Variants in C1orf174 observed in about 807,000 individuals in gnomAD.
C1orf174 encodes chromosome 1 open reading frame 174.
C1orf174 carries 13 observed loss-of-function variants against 18.4 expected under a neutral mutation model. The ratio of observed to expected loss-of-function variants is 0.71; its 90% confidence interval spans 0.46 to 1.12. The LOEUF (loss-of-function observed/expected upper bound fraction) is 1.12, where lower values mean the gene tolerates loss of function less well. C1orf174 is among the 50% of genes most tolerant of loss of function. C1orf174 has a pLI of 0.00. For missense variants in C1orf174, 309 were observed against 308.0 expected (o/e 1.00, Z -0.02); for synonymous variants, 100 against 118.3 (o/e 0.85, Z 1.01).
Position 3,891,297 on chromosome 1 carries a change from A to G in C1orf174, c.130-240T>C, listed in dbSNP as rs1570963967. On this transcript the variant is annotated intron_variant, in intron 2 of 3. Coordinates refer to ENST00000361605, the MANE Select transcript of C1orf174 (RefSeq NM_207356.3). The stretch of plus-strand genomic sequence containing the variant: ...TTCCCTAGTGGCGTTACAGCTCCAC[A>G]CCACTCCTACACTTTCAGTTTCCCC... 5 of 509,128 alleles carry G rather than the reference A, an allele frequency of 9.8e-6. 1 individual carries two copies. The East Asian group carries it at 1.9e-4, about 19-fold the overall frequency. 31.5% of individuals were successfully genotyped at this position (509,128 alleles called of 1,614,324 possible).
chr1:3,889,857 A>T lies in C1orf174; in HGVS notation c.*103T>A. On this transcript the variant is annotated 3_prime_UTR_variant, in exon 4 of 4. Coordinates refer to ENST00000361605, the MANE Select transcript of C1orf174 (RefSeq NM_207356.3). ...GATGGGTCAGTTCTGAAGTTTGATT[A>T]AGACATTCTCTTGGAGATACATTTT... 9.2e-7 allele frequency: 1 copy of T among 1,082,510 alleles called. No homozygotes were observed. Among genetic ancestry groups the T allele is most frequent in the Non-Finnish European group, 1.4e-6 (1 of 705,290 alleles). 67.1% of individuals were successfully genotyped at this position (1,082,510 alleles called of 1,614,324 possible).
chr1:3,898,346 G>A (rs1027893311), intron 1 of C1orf174, among the ~76,000 whole-genome samples: 4 of 152,062 alleles, frequency 2.6e-5, no homozygotes, highest in African/African-American at 7.2e-5. Context: ...CCTGTCTCCA[G>A]TAAAAACACA....
At chr1:3,896,577 G>T (rs549827425) in intron 1 of C1orf174, among the ~76,000 whole-genome samples, 3 of 152,238 alleles carry the variant, frequency 2.0e-5, no homozygotes, top group Admixed American at 2.0e-4. Context: ...GAGAAGTTCC[G>T]GCCTAAGGGA....
chr1:3,891,638 G>C (rs2124783690), intron 2 of C1orf174: 1 of 986,134 alleles, frequency 1.0e-6, no homozygotes, highest in African/African-American at 1.7e-5. Flanking sequence ...GTAAGTTCAG[G>C]AACTCGCTCC....
chr1:3,890,070 G>C lies in C1orf174; in HGVS notation c.622C>G (p.Leu208Val). Residue 208 changes from leucine (L) to valine (V), a missense_variant, in exon 4 of 4, where the codon CTC becomes GTC. Coordinates refer to ENST00000361605, the MANE Select transcript of C1orf174 (RefSeq NM_207356.3). Reference protein sequence around the residue: ...FFGNVELMQDLPPASSSCPSM... With the variant: ...FFGNVELMQDVPPASSSCPSM... ...GGACAAGATGAAGACGCAGGTGGGA[G>C]GTCCTTAGTGGAGAAGAAAACATGA... 1 of 1,613,118 alleles carries C rather than the reference G, an allele frequency of 6.2e-7. No homozygotes were observed. The highest frequency in any genetic ancestry group is 1.3e-5 in the African/African-American group (1 of 75,020).
At chr1:3,897,283 G>A (rs973943619) in intron 1 of C1orf174, among the ~76,000 whole-genome samples, 3 of 152,158 alleles carry the variant, frequency 2.0e-5, no homozygotes, top group African/African-American at 7.2e-5. Context: ...CATGAATAAA[G>A]AAGAAACATA....
intron 2 of C1orf174, chr1:3,891,831 C>T (rs1289860308): frequency 5.1e-6 from 5 of 985,476 alleles, no homozygotes; most frequent in Non-Finnish European, 6.0e-6. Context: ...TTTAGACACA[C>T]ACACGGGTGG....
At chr1:3,892,656 A>T (rs1444993447) in intron 2 of C1orf174, 26 of 1,360,440 alleles carry the variant, frequency 1.9e-5, no homozygotes, top group Non-Finnish European at 2.5e-5. Context: ...GGGTCTAGAC[A>T]CACACACGGG....
In C1orf174 at chr1:3,890,031, G is replaced by A. The variant is rs200426400; in HGVS notation, c.661C>T (p.Arg221Ter). ...ASSSCPSMSR[R>*]EFRKMHFRAK... ...CTGAAATGCATTTTTCTGAACTCTCGTCTGCTCATTGAAGGACAAGATGAA... is the reference window on the plus strand; with the variant it reads ...CTGAAATGCATTTTTCTGAACTCTCATCTGCTCATTGAAGGACAAGATGAA... The change falls in exon 4 of 4, where the codon CGA (arginine) becomes TGA (stop). Residue 221 changes from arginine to a stop codon, truncating the protein, a stop_gained. Coordinates refer to ENST00000361605, the MANE Select transcript of C1orf174 (RefSeq NM_207356.3). LOFTEE classifies it high-confidence loss of function. 73 of 1,613,990 alleles carry A rather than the reference G, an allele frequency of 4.5e-5. No homozygotes were observed. The highest frequency in any genetic ancestry group is 5.5e-5 in the Non-Finnish European group (65 of 1,180,028).
intron 1 of C1orf174, among the ~76,000 whole-genome samples, chr1:3,894,364 T>A (rs189923432): frequency 1.6e-3 from 245 of 151,964 alleles, no homozygotes; most frequent in African/African-American, 5.6e-3. Flanking sequence ...TCCCAGCACT[T>A]TGGGAGGCTG....
intron 1 of C1orf174, chr1:3,896,284 C>G (rs10797353): frequency 0.71 from 108,098 of 152,672 alleles, 38,557 homozygotes; most frequent in African/African-American, 0.76. Flanking sequence ...TCCATTCTAC[C>G]AGTACGGTTT....
At chr1:3,891,595 C>G (rs188112191) in intron 2 of C1orf174, 19 of 986,718 alleles carry the variant, frequency 1.9e-5, no homozygotes, top group Middle Eastern at 1.0e-3. Flanking sequence ...AACCCCTCAA[C>G]TGTAGGCTCC....
chr1:3,893,720 G>A (rs1638553832), intron 1 of C1orf174, among the ~76,000 whole-genome samples: 1 of 152,050 alleles, frequency 6.6e-6, no homozygotes, highest in African/African-American at 2.4e-5. Context: ...TACAGCGAAA[G>A]CCCATCTTTA....
At chr1:3,892,639 A>C in intron 2 of C1orf174, 3 of 1,237,796 alleles carry the variant, frequency 2.4e-6, no homozygotes, top group East Asian at 7.1e-5. Context: ...TGCTAGGATC[A>C]GAGCCCGGGT....
At position 3,892,981 on chromosome 1, in the gene C1orf174, G is replaced by A. The variant is rs1258984581; in HGVS notation, c.31C>T (p.Arg11Trp). 9 of 1,613,838 alleles carry A rather than the reference G, an allele frequency of 5.6e-6. No homozygotes were observed. Among genetic ancestry groups the A allele is most frequent in the East Asian group, 4.5e-5 (2 of 44,874 alleles). MRSRKLTGAV[R>W]SSARLKARSC... ...CGTGCTTTCAAGCGCGCTGAAGACC[G>A]CACTGCACCTGTGAGCTAGAGAGAT... The change falls in exon 2 of 4, where the codon CGG becomes TGG. Residue 11 changes from arginine (R) to tryptophan (W), a missense_variant. Arg to Trp is a moderately radical substitution (Grantham distance 101, BLOSUM62 -3). Coordinates refer to ENST00000361605, the MANE Select transcript of C1orf174 (RefSeq NM_207356.3).
At chr1:3,898,118 C>T (rs558166632) in intron 1 of C1orf174, among the ~76,000 whole-genome samples, 9 of 152,320 alleles carry the variant, frequency 5.9e-5, no homozygotes, top group Non-Finnish European at 1.0e-4. Flanking sequence ...AGAAGGGAAC[C>T]TCAATAAATG....
At position 3,900,252 on chromosome 1, in the gene C1orf174, G is replaced by A. The variant is rs900819541; in HGVS notation, c.-66C>T. 4.7e-6 allele frequency: 7 copies of A among 1,491,182 alleles called. No homozygotes were observed. Among genetic ancestry groups the A allele is most frequent in the Middle Eastern group, 3.8e-4 (2 of 5,322 alleles). 92.4% of individuals were successfully genotyped at this position (1,491,182 alleles called of 1,614,324 possible). A position where few individuals can be genotyped will look rare whatever the true frequency, so the allele number is the denominator to read the frequency against. On this transcript the variant is annotated 5_prime_UTR_variant, in exon 1 of 4. Coordinates refer to ENST00000361605, the MANE Select transcript of C1orf174 (RefSeq NM_207356.3). Reference sequence around the variant, plus strand: ...ACGCGTCCCGGCGGAGCGGCGACCCGGAGTCTGCAGAGCGCGCCGCGGCGG... The same window carrying A: ...ACGCGTCCCGGCGGAGCGGCGACCCAGAGTCTGCAGAGCGCGCCGCGGCGG...
intron 1 of C1orf174, among the ~76,000 whole-genome samples, chr1:3,898,330 T>G (rs1262032450): frequency 6.6e-6 from 1 of 152,054 alleles, no homozygotes; most frequent in Admixed American, 6.5e-5. Context: ...GCCAACATGG[T>G]GAAAACCTGT....
intron 2 of C1orf174, 101 bp downstream of exon 2, chr1:3,892,782 G>A: frequency 6.6e-7 from 1 of 1,509,524 alleles, no homozygotes; most frequent in Non-Finnish European, 8.9e-7. Context: ...ATAAGTAACA[G>A]TCGATATTTT....
Sources: allele counts gnomAD v4.1 joint callset (sites outside exome capture counted in the v4.1 genomes callset), GRCh38; gene constraint gnomAD v4.1.1; transcripts MANE v1.5; gene names NCBI Gene and HGNC (gene_info 2026-07-23, HGNC 2026-07-21).